The following ZBED1 variants were observed in gnomAD, a reference collection of about 807,000 sequenced individuals.
ZBED1 encodes E3 SUMO-protein ligase ZBED1.
Under a neutral mutation model 49.7 loss-of-function variants are expected in ZBED1, and 19 were observed. That is an observed-to-expected ratio of 0.38 (90% CI 0.27 to 0.56). ZBED1 has a LOEUF of 0.56. ZBED1 is among the 20% of genes least tolerant of loss of function. The pLI, the probability that ZBED1 is intolerant of heterozygous loss-of-function variation, is 0.70. For missense variants in ZBED1, 806 were observed against 972.6 expected (o/e 0.83, Z 2.28); for synonymous variants, 439 against 440.3 (o/e 1.00, Z 0.04).
rs1215115363 is a variant in ZBED1 at position 2,490,740 on chromosome X, C to T, written c.-21G>A. ...TCCATTGCTTCTCCACCGGAGCCTGCCTGCTGGACGGCTGCTCATGCGTGG... is the reference window on the plus strand; with the variant it reads ...TCCATTGCTTCTCCACCGGAGCCTGTCTGCTGGACGGCTGCTCATGCGTGG... On this transcript the variant is annotated 5_prime_UTR_variant, in exon 2 of 2. Coordinates refer to ENST00000652001, the MANE Select transcript of ZBED1 (RefSeq NM_001171136.2). 4 of 1,601,762 alleles carry T rather than the reference C, an allele frequency of 2.5e-6. No homozygotes were observed. Among genetic ancestry groups the T allele is most frequent in the Non-Finnish European group, 3.4e-6 (4 of 1,173,054 alleles).
Position 2,488,650 on chromosome X carries a change from G to C in ZBED1, c.2070C>G (p.Asp690Glu), listed in dbSNP as rs752474110. The C allele has an allele frequency of 3.1e-6, 5 of 1,605,912 alleles. No homozygotes were observed. In the South Asian group the frequency reaches 5.5e-5, roughly 18 times the overall value. The change falls in exon 2 of 2, where the codon GAC becomes GAG. Residue 690 changes from aspartate to glutamate, a missense_variant. Around this residue, in one of 2 missense-constraint regions of ZBED1, gnomAD observed 749 missense variants for 861.3 expected, o/e 0.87. Transcript: ENST00000652001. The stretch of plus-strand genomic sequence containing the variant: ...CGCTTCCTCGCTACAGGAAGCTGCT[G>C]TCCCTAATGCCAAAGAAACCGCCGC... The part of the protein sequence containing the change: ...GVSGGFFGIR[D>E]SSFL
intron 1 of ZBED1, among the ~76,000 whole-genome samples, 167 bp from the exon 2 acceptor site, chrX:2,490,939 G>A (rs934444287): frequency 2.0e-5 from 3 of 152,186 alleles, no homozygotes; most frequent in African/African-American, 7.2e-5. Flanking sequence ...GTGGAGGAGG[G>A]AACCTAGCGC....
In ZBED1 at chrX:2,500,872, G is replaced by A; in HGVS notation, c.-109C>T. The A allele has an allele frequency of 8.6e-7, 1 of 1,157,808 alleles. No individual in the cohort carries two copies. Among genetic ancestry groups the A allele is most frequent in the Non-Finnish European group, 1.1e-6 (1 of 934,320 alleles). The allele number at this position is 1,157,808 out of a possible 1,614,324, so 71.7% of individuals were successfully genotyped here. A position where few individuals can be genotyped will look rare whatever the true frequency, so the allele number is the denominator to read the frequency against. On this transcript the variant is annotated 5_prime_UTR_variant, in exon 1 of 2. Coordinates refer to ENST00000652001, the MANE Select transcript of ZBED1 (RefSeq NM_001171136.2). ...GCAGCAGCTGCGCCAGGATCACCGC[G>A]GCGCCTACCGCGTAGACCCGCAGGG... is the stretch of plus-strand genomic sequence containing the variant.
chrX:2,490,150 C>T lies in ZBED1; in HGVS notation c.570G>A (p.Glu190=). ...VREVILKELA[E]ATWCGISTDM... is the part of the protein sequence containing the mutation. ...CGGTGGAGATGCCACACCAGGTGGC[C>T]TCGGCCAGCTCCTTCAGGATCACCT... Residue 190 remains glutamate (E), a synonymous_variant, in exon 2 of 2, where the codon GAG becomes GAA. Transcript: ENST00000652001. 6.2e-7 allele frequency: 1 copy of T among 1,613,964 alleles called. No individual in the cohort carries two copies. The highest frequency in any genetic ancestry group is 8.5e-7 in the Non-Finnish European group (1 of 1,179,866).
rs755633697 is a variant in ZBED1 at position 2,496,022 on chromosome X, A to C, written c.-54+4795T>G. On this transcript the variant is annotated intron_variant, in intron 1 of 1. Coordinates refer to ENST00000652001, the MANE Select transcript of ZBED1 (RefSeq NM_001171136.2). ...TCCCTAGGTTTTTGTTATTTTGGAA[A>C]TGACAATCATTTTTCTTTTAAAAAA... 1.1e-4 allele frequency among the ~76,000 whole-genome samples: 17 copies of C among 152,300 alleles called. No homozygotes were observed. In the South Asian group the frequency reaches 3.3e-3, roughly 30 times the overall value.
At chrX:2,495,249 G>T (rs1011584677) in intron 1 of ZBED1, among the ~76,000 whole-genome samples, 1 of 150,918 alleles carries the variant, frequency 6.6e-6, no homozygotes, top group South Asian at 2.1e-4. Flanking sequence ...GTTCCAGGAC[G>T]TGAAGCAAAG....
rs1775657675 is a variant in ZBED1, at chrX:2,499,125, GA to G, written c.-54+1691del. 2.0e-5 allele frequency among the ~76,000 whole-genome samples: 3 copies of G among 152,202 alleles called. No individual in the cohort carries two copies. In the South Asian group the frequency reaches 6.2e-4, roughly 32 times the overall value. On this transcript the variant is annotated intron_variant, in intron 1 of 1. Transcript: ENST00000652001. Reference sequence around the variant, plus strand: ...CAAAGGGTGGCGCTGGGACCCCTGGGATTCCTTCAGTGGGTGCAGAGTGGAA... The same window carrying G: ...CAAAGGGTGGCGCTGGGACCCCTGGGTTCCTTCAGTGGGTGCAGAGTGGAA...
At chrX:2,490,986 A>G (rs1044385130) in intron 1 of ZBED1, among the ~76,000 whole-genome samples, 1 of 151,876 alleles carries the variant, frequency 6.6e-6, no homozygotes, top group Non-Finnish European at 1.5e-5. Flanking sequence ...ATCCGACTGC[A>G]GCGATGCCGC....
intron 1 of ZBED1, among the ~76,000 whole-genome samples, chrX:2,498,227 T>G (rs1298778682): frequency 6.6e-6 from 1 of 152,198 alleles, no homozygotes; most frequent in Non-Finnish European, 1.5e-5. Context: ...ACGCTCCATT[T>G]GGAAGTTCTA....
Position 2,489,791 on chromosome X carries a change from GC to G in ZBED1, c.928del (p.Ala310ArgfsTer38). The G allele has an allele frequency of 6.2e-7, 1 of 1,613,416 alleles. No individual in the cohort carries two copies. The highest frequency in any genetic ancestry group is 8.5e-7 in the Non-Finnish European group (1 of 1,179,864). On this transcript the variant is annotated frameshift_variant, in exon 2 of 2. Transcript: ENST00000652001. LOFTEE classifies it high-confidence loss of function. The part of the protein sequence containing the change: ...QQAFQLPKLG[A>X]LLSRCRKLVE... The stretch of plus-strand genomic sequence containing the variant: ...CAGTTTGCGGCAGCGCGACAGCAGC[GC>G]CCCCAGCTTCGGGAGCTGGAAGGCC...
chrX:2,499,926 C>T (rs2045374045), intron 1 of ZBED1, among the ~76,000 whole-genome samples: 1 of 152,150 alleles, frequency 6.6e-6, no homozygotes, highest in African/African-American at 2.4e-5. Flanking sequence ...GCCTGTAATG[C>T]CAGCACTTTG....
rs3813162 is a variant in ZBED1, at chrX:2,489,166, G to A, written c.1554C>T (p.Asp518=). 8.1e-3 allele frequency: 13,033 copies of A among 1,613,588 alleles called. 344 individuals are homozygous for A. Among genetic ancestry groups the A allele is most frequent in the East Asian group, 0.066 (2,954 of 44,882 alleles). Residue 518 remains aspartate (D), a synonymous_variant, in exon 2 of 2, where the codon GAC becomes GAT. Coordinates refer to ENST00000652001, the MANE Select transcript of ZBED1 (RefSeq NM_001171136.2). ...GCTCCTCGGGCACCGGGAAGATCTT[G>A]TCCTCAGCCGGCCGGTAGCCGCCGT... ...VKDGGYRPAE[D]KIFPVPEEPP...
rs1214853882 is a variant in ZBED1 at position 2,486,886 on chromosome X, G to A, written c.*1749C>T. ...CATTCTGTGCTGCTTGCAGCCCTGA[G>A]AAGTCAGCAGCCGTGAAAGGCAGGT... On this transcript the variant is annotated 3_prime_UTR_variant, in exon 2 of 2. Transcript: ENST00000652001. The A allele has an allele frequency of 6.6e-6, 1 of 152,252 alleles. No individual in the cohort carries two copies. Among genetic ancestry groups the A allele is most frequent in the Non-Finnish European group, 1.5e-5 (1 of 68,050 alleles). 9.4% of individuals were successfully genotyped at this position (152,252 alleles called of 1,614,324 possible). A position where few individuals can be genotyped will look rare whatever the true frequency, so the allele number is the denominator to read the frequency against.
Position 2,495,684 on chromosome X carries a change from C to T in ZBED1, c.-53-4912G>A, listed in dbSNP as rs138652684. Among the ~76,000 whole-genome samples the T allele has an allele frequency of 8.4e-3, 1,281 of 152,208 alleles. 21 individuals are homozygous for T. Among genetic ancestry groups the T allele is most frequent in the African/African-American group, 0.029 (1,188 of 41,522 alleles). On this transcript the variant is annotated intron_variant, in intron 1 of 1. Transcript: ENST00000652001. ...CCTTCCTCCTCCCTTGCAGCGCTTC[C>T]GAGCACACAAGGCCACGAATAAAGG...
In ZBED1 at chrX:2,490,122, T is replaced by A. The variant is rs1297237813; in HGVS notation, c.598A>T (p.Met200Leu). 6.2e-7 allele frequency: 1 copy of A among 1,613,856 alleles called. No individual in the cohort carries two copies. The highest frequency in any genetic ancestry group is 1.3e-5 in the African/African-American group (1 of 75,062). ...EATWCGISTD[M>L]WRSENQNRAY... ...CGGTTCTGATTCTCACTCCTCCACA[T>A]GTCGGTGGAGATGCCACACCAGGTG... The change falls in exon 2 of 2, where the codon ATG becomes TTG. Residue 200 changes from methionine to leucine, a missense_variant. Physicochemically the swap from Met to Leu is conservative, Grantham distance 15. Coordinates refer to ENST00000652001, the MANE Select transcript of ZBED1 (RefSeq NM_001171136.2).
At position 2,490,197 on chromosome X, in the gene ZBED1, C is replaced by T. The variant is rs1400897495; in HGVS notation, c.523G>A (p.Glu175Lys). Reference sequence around the variant, plus strand: ...ACCTCCCGGACGGCCCCGTACTTCTCAGGGATGGCCTTGGTAGAGATGTAC... The same window carrying T: ...ACCTCCCGGACGGCCCCGTACTTCTTAGGGATGGCCTTGGTAGAGATGTAC... Reference protein sequence around the residue: ...RKYISTKAIPEKYGAVREVIL... With the variant: ...RKYISTKAIPKKYGAVREVIL... The change falls in exon 2 of 2, where the codon GAG (glutamate) becomes AAG (lysine). Residue 175 changes from glutamate (E) to lysine (K), a missense_variant. Coordinates refer to ENST00000652001, the MANE Select transcript of ZBED1 (RefSeq NM_001171136.2). 6.2e-7 allele frequency: 1 copy of T among 1,613,994 alleles called. No individual in the cohort carries two copies. The highest frequency in any genetic ancestry group is 8.5e-7 in the Non-Finnish European group (1 of 1,179,874).
chrX:2,491,747 T>C (rs2045152048), intron 1 of ZBED1, among the ~76,000 whole-genome samples: 1 of 152,216 alleles, frequency 6.6e-6, no homozygotes, highest in South Asian at 2.1e-4. Flanking sequence ...CTGGAACTTC[T>C]CAAAATGCCC....
chrX:2,494,685 T>C (rs1380298164), intron 1 of ZBED1, among the ~76,000 whole-genome samples: 2 of 151,996 alleles, frequency 1.3e-5, no homozygotes, highest in African/African-American at 4.8e-5. Flanking sequence ...ACCAAAGGTC[T>C]GTTTTCTATT....
At chrX:2,494,899 C>T (rs1244262164) in intron 1 of ZBED1, among the ~76,000 whole-genome samples, 1 of 151,538 alleles carries the variant, frequency 6.6e-6, no homozygotes, top group Non-Finnish European at 1.5e-5. Context: ...GGTTTATATT[C>T]TATTATTATT....
Sources: gnomAD v4.1 joint callset for allele counts (sites outside exome capture counted in the v4.1 genomes callset) on GRCh38, gnomAD v4.1.1 for gene constraint, gnomAD v4.1.1 regional missense constraint, MANE v1.5 for transcripts, NCBI Gene and HGNC (gene_info 2026-07-23, HGNC 2026-07-21) for gene names.